CALCOCO1: variants seen among roughly 807,000 people sequenced by gnomAD.
CALCOCO1 encodes the protein calcium binding and coiled-coil domain 1.
Under a neutral mutation model 86.3 loss-of-function variants are expected in CALCOCO1, and 44 were observed. That is an observed-to-expected ratio of 0.51 (90% CI 0.40 to 0.66). The LOEUF (loss-of-function observed/expected upper bound fraction) is 0.66. Among genes scored for constraint, CALCOCO1 ranks in the 30% least tolerant of loss-of-function variants. CALCOCO1 has a pLI of 0.00. For missense variants in CALCOCO1, 708 were observed against 851.1 expected (o/e 0.83, Z 2.09); for synonymous variants, 297 against 327.6 (o/e 0.91, Z 1.01).
chr12:53,711,418 AAG>A lies in CALCOCO1; in HGVS notation c.*524_*525del. On this transcript the variant is annotated 3_prime_UTR_variant, in exon 15 of 15. Coordinates refer to ENST00000550804, the MANE Select transcript of CALCOCO1 (RefSeq NM_020898.3). The stretch of plus-strand genomic sequence containing the variant: ...GCACAGAAGTCAATGGGGGAACAGA[AAG>A]AGGAACCAATGAAACTGAGAACCAA... The A allele has an allele frequency of 2.6e-6, 1 of 384,558 alleles. No homozygotes were observed. Among genetic ancestry groups the A allele is most frequent in the Non-Finnish European group, 4.6e-6 (1 of 217,880 alleles). The allele number at this position is 384,558 out of a possible 1,614,324, so 23.8% of individuals were successfully genotyped here.
At chr12:53,713,383 G>T (rs184871731) in intron 13 of CALCOCO1, among the ~76,000 whole-genome samples, 177 bp from the exon 14 acceptor site, 2 of 152,178 alleles carry the variant, frequency 1.3e-5, no homozygotes, top group Admixed American at 6.5e-5. Flanking sequence ...GAATGACTGT[G>T]GGGGAGAAGC....
At chr12:53,720,651 G>A (rs1945843573) in intron 6 of CALCOCO1, among the ~76,000 whole-genome samples, 2 of 152,182 alleles carry the variant, frequency 1.3e-5, no homozygotes, top group South Asian at 4.1e-4. Flanking sequence ...TTGGGCCTTG[G>A]ATAGAATGCC....
chr12:53,714,341 G>T, intron 11 of CALCOCO1, 100 bp from the exon 12 acceptor site: 2 of 868,756 alleles, frequency 2.3e-6, no homozygotes, highest in Non-Finnish European at 1.8e-6. Flanking sequence ...TAGCTCCTCA[G>T]CATTAGATGC....
chr12:53,715,901 G>GC lies in CALCOCO1; in HGVS notation c.1151dup (p.Leu385ProfsTer5). 1 of 1,614,180 alleles carries GC rather than the reference G, an allele frequency of 6.2e-7. No individual in the cohort carries two copies. The highest frequency in any genetic ancestry group is 8.5e-7 in the Non-Finnish European group (1 of 1,180,040). ...TGCCGTTAACTTCAGCCACTTCCAGGCGGCTGCGGTGTAGTTCGGCTATGG... is the reference window on the plus strand; with the variant it reads ...TGCCGTTAACTTCAGCCACTTCCAGGCCGGCTGCGGTGTAGTTCGGCTATGG... On this transcript the variant is annotated frameshift_variant, in exon 9 of 15. Transcript: ENST00000550804. LOFTEE classifies it high-confidence loss of function.
At chr12:53,714,452 G>T in intron 11 of CALCOCO1, 146 bp downstream of exon 11, 1 of 690,602 alleles carries the variant, frequency 1.4e-6, no homozygotes, top group Non-Finnish European at 2.5e-6. Context: ...CCGCTGTCCT[G>T]CCAAATCAGC....
chr12:53,724,997 T>C (rs1431017889), intron 2 of CALCOCO1, 90 bp downstream of exon 2: 5 of 1,368,128 alleles, frequency 3.7e-6, no homozygotes, highest in Non-Finnish European at 5.0e-6. Context: ...TCTATCAACC[T>C]GAGGTTGAGA....
chr12:53,724,798 T>C (rs981506540), intron 2 of CALCOCO1, 51 bp from the exon 3 acceptor site: 12 of 1,441,646 alleles, frequency 8.3e-6, no homozygotes, highest in Non-Finnish European at 1.2e-5. Context: ...CTACCTTCTA[T>C]GGATGGAAGA....
At chr12:53,724,171 C>T (rs1369217730) in intron 3 of CALCOCO1, 1 of 432,908 alleles carries the variant, frequency 2.3e-6, no homozygotes, top group Non-Finnish European at 4.4e-6. Flanking sequence ...GCTGGGACTA[C>T]AGGCATGCAC....
intron 7 of CALCOCO1, among the ~76,000 whole-genome samples, chr12:53,717,149 C>T (rs1945748912): frequency 6.6e-6 from 1 of 152,244 alleles, no homozygotes; most frequent in East Asian, 1.9e-4. Flanking sequence ...CAGCCTCCAA[C>T]TCCTGGGCTT....
intron 3 of CALCOCO1, chr12:53,724,359 A>G: frequency 4.7e-6 from 2 of 425,524 alleles, no homozygotes; most frequent in Non-Finnish European, 4.4e-6. Context: ...TTCTCACCAC[A>G]TAATTCTACC....
At chr12:53,715,376 G>T in intron 9 of CALCOCO1, 51 bp from the exon 10 acceptor site, 1 of 1,609,476 alleles carries the variant, frequency 6.2e-7, no homozygotes, top group South Asian at 1.1e-5. Context: ...GAAGAAAAAG[G>T]AACGCCACTG....
Position 53,711,107 on chromosome 12 carries a change from G to T in CALCOCO1, c.*837C>A. 1 of 394,228 alleles carries T rather than the reference G, an allele frequency of 2.5e-6. No individual in the cohort carries two copies. The highest frequency in any genetic ancestry group is 1.3e-4 in the South Asian group (1 of 7,648). The allele number at this position is 394,228 out of a possible 1,614,324, so 24.4% of individuals were successfully genotyped here. ...ACCTCATGATAAGAACACATTTTGT[G>T]ACAACAGTCATACATATCATATAAA... On this transcript the variant is annotated 3_prime_UTR_variant, in exon 15 of 15. Transcript: ENST00000550804.
intron 3 of CALCOCO1, 178 bp from the exon 4 acceptor site, chr12:53,723,961 T>C (rs546901101): frequency 1.7e-6 from 1 of 602,874 alleles, no homozygotes; most frequent in South Asian, 2.0e-5. Context: ...TGCCCCTCTA[T>C]CATAATCATA....
At chr12:53,725,323 C>G (rs1250155630) in intron 1 of CALCOCO1, 57 bp from the exon 2 acceptor site, 1 of 1,205,240 alleles carries the variant, frequency 8.3e-7, no homozygotes, top group East Asian at 2.7e-5. Flanking sequence ...CTTCCCCCCA[C>G]AGCTCCAGCA....
chr12:53,711,184 C>T lies in CALCOCO1; in HGVS notation c.*760G>A. 5.0e-6 allele frequency: 2 copies of T among 398,394 alleles called. No individual in the cohort carries two copies. Among genetic ancestry groups the T allele is most frequent in the Admixed American group, 4.4e-5 (1 of 22,674 alleles). 24.7% of individuals were successfully genotyped at this position (398,394 alleles called of 1,614,324 possible). A position where few individuals can be genotyped will look rare whatever the true frequency, so the allele number is the denominator to read the frequency against. On this transcript the variant is annotated 3_prime_UTR_variant, in exon 15 of 15. Transcript: ENST00000550804. Reference sequence around the variant, plus strand: ...GGATATCAGGGGGAAGCTTTTATTGCTGTGGGGGGACCTGGAGAGGGAGGG... The same window carrying T: ...GGATATCAGGGGGAAGCTTTTATTGTTGTGGGGGGACCTGGAGAGGGAGGG...
chr12:53,709,026 G>A lies in CALCOCO1; in HGVS notation c.*2918C>T, dbSNP rs1384395474. 1 of 152,228 alleles carries A rather than the reference G, an allele frequency of 6.6e-6. No individual in the cohort carries two copies. The highest frequency in any genetic ancestry group is 6.5e-5 in the Admixed American group (1 of 15,274). 9.4% of individuals were successfully genotyped at this position (152,228 alleles called of 1,614,324 possible). A position where few individuals can be genotyped will look rare whatever the true frequency, so the allele number is the denominator to read the frequency against. On this transcript the variant is annotated 3_prime_UTR_variant, in exon 15 of 15. Coordinates refer to ENST00000550804, the MANE Select transcript of CALCOCO1 (RefSeq NM_020898.3). Reference sequence around the variant, plus strand: ...TTCCTGTAGGTAACAGGTGGCCATTGAGGTTCGATAAGTGGGGGAGTGGTG... The same window carrying A: ...TTCCTGTAGGTAACAGGTGGCCATTAAGGTTCGATAAGTGGGGGAGTGGTG...
rs763297898 is a variant in CALCOCO1 at position 53,715,308 on chromosome 12, G to A, written c.1278C>T (p.Ile426=). Residue 426 remains isoleucine (I), a synonymous_variant, in exon 10 of 15, where the codon ATC becomes ATT. Coordinates refer to ENST00000550804, the MANE Select transcript of CALCOCO1 (RefSeq NM_020898.3). ...LQSVEAEKDK[I]LKLSAEILRL... ...GAAGTATCTCTGCACTCAGCTTCAG[G>A]ATCTTGTCCTTCTCTGCCTGAGAGA... The A allele has an allele frequency of 2.1e-5, 34 of 1,613,900 alleles. No homozygotes were observed. The highest frequency in any genetic ancestry group is 3.4e-6 in the Non-Finnish European group (4 of 1,179,976).
chr12:53,712,878 G>A, intron 14 of CALCOCO1: 1 of 1,477,276 alleles, frequency 6.8e-7, no homozygotes, highest in Non-Finnish European at 9.0e-7. Context: ...TTAAAGGCAG[G>A]ACCTCTGAGT....
In CALCOCO1 at chr12:53,724,188, G is replaced by T. The variant is rs114793572; in HGVS notation, c.260-405C>A. The T allele has an allele frequency of 1.1e-5, 5 of 436,878 alleles. No homozygotes were observed. The African/African-American group carries it at 1.2e-4, about 10-fold the overall frequency. The allele number at this position is 436,878 out of a possible 1,614,324, so 27.1% of individuals were successfully genotyped here. A position where few individuals can be genotyped will look rare whatever the true frequency, so the allele number is the denominator to read the frequency against. On this transcript the variant is annotated intron_variant, in intron 3 of 14. Coordinates refer to ENST00000550804, the MANE Select transcript of CALCOCO1 (RefSeq NM_020898.3). ...TGGGACTACAGGCATGCACCACCAC[G>T]CCTGGCCTGCAGCTTTCATTTTAAA... is the stretch of plus-strand genomic sequence containing the variant.
Sources: gnomAD v4.1 joint callset for allele counts (sites outside exome capture counted in the v4.1 genomes callset) on GRCh38, gnomAD v4.1.1 for gene constraint, MANE v1.5 for transcripts, NCBI Gene and HGNC (gene_info 2026-07-23, HGNC 2026-07-21) for gene names.